Variants in ZEB1 observed in about 807,000 individuals in gnomAD.
The protein encoded by ZEB1 is zinc finger E-box binding homeobox 1, also known as zinc finger E-box-binding homeobox 1.
In ZEB1, 21 loss-of-function variants were observed where a neutral mutation model predicts 84.9. The observed-to-expected ratio is 0.25, with a 90% confidence interval of 0.18 to 0.36. The LOEUF (loss-of-function observed/expected upper bound fraction) is 0.36. ZEB1 is among the 10% of genes least tolerant of loss of function. The pLI is 1.00. For missense variants in ZEB1, 1,104 were observed against 1,330.2 expected (o/e 0.83, Z 2.65); for synonymous variants, 420 against 471.1 (o/e 0.89, Z 1.41).
At chr10:31,364,267 G>A (rs1564601091) in intron 1 of ZEB1, among the ~76,000 whole-genome samples, 3 of 152,266 alleles carry the variant, frequency 2.0e-5, no homozygotes, top group Non-Finnish European at 2.9e-5. Context: ...CCCTTCCACC[G>A]GTCCAGCTGG....
rs1469066007 is a variant in ZEB1 at position 31,408,446 on chromosome 10, G to A, written c.59-52591G>A. Among the ~76,000 whole-genome samples, 989 of 149,594 alleles carry A rather than the reference G, an allele frequency of 6.6e-3. 4 individuals carry two copies. The highest frequency in any genetic ancestry group is 0.023 in the African/African-American group (910 of 39,182). ...GAGCCTGCATCGCCAAGTCAATCCT[G>A]AGCCAAAAGAACAAAGCTGGAGGCA... On this transcript the variant is annotated intron_variant, in intron 1 of 8. Transcript: ENST00000424869.
intron 1 of ZEB1, among the ~76,000 whole-genome samples, chr10:31,451,020 A>G (rs2060503161): frequency 6.6e-6 from 1 of 152,136 alleles, no homozygotes; most frequent in Non-Finnish European, 1.5e-5. Context: ...AAAAGTTACA[A>G]AATTATCAGT....
intron 2 of ZEB1, among the ~76,000 whole-genome samples, chr10:31,474,099 T>A (rs879380023): frequency 1.9e-4 from 29 of 152,116 alleles, no homozygotes; most frequent in Non-Finnish European, 3.8e-4. Flanking sequence ...CCTAAAACCG[T>A]AAAAACCCTA....
chr10:31,511,237 C>T (rs2069940699), intron 5 of ZEB1, among the ~76,000 whole-genome samples: 1 of 152,060 alleles, frequency 6.6e-6, no homozygotes, highest in Admixed American at 6.6e-5. Flanking sequence ...CTATATAAAC[C>T]ACATTATACT....
chr10:31,414,282 A>G (rs1447493121), intron 1 of ZEB1, among the ~76,000 whole-genome samples: 2 of 152,238 alleles, frequency 1.3e-5, no homozygotes, highest in Non-Finnish European at 2.9e-5. Flanking sequence ...AACTGGTAAT[A>G]ATAACTCTAC....
upstream of ZEB1, chr10:31,319,061 G>A: frequency 1.5e-6 from 1 of 656,394 alleles, no homozygotes; most frequent in South Asian, 1.7e-5. Flanking sequence ...TAGCAACAAG[G>A]TTCCGGCCGT....
chr10:31,369,650 A>G (rs974298561), intron 1 of ZEB1, among the ~76,000 whole-genome samples: 1 of 152,222 alleles, frequency 6.6e-6, no homozygotes, highest in Admixed American at 6.5e-5. Flanking sequence ...TAAATAATGC[A>G]ACAATGAACA....
chr10:31,455,159 G>T (rs1221060407), intron 1 of ZEB1, among the ~76,000 whole-genome samples: 1 of 152,108 alleles, frequency 6.6e-6, no homozygotes, highest in Non-Finnish European at 1.5e-5. Flanking sequence ...ACAAGAAATG[G>T]GGAAAAGATT....
rs1223784725 is a variant in ZEB1, at chr10:31,521,522, G to T, written c.2190G>T (p.Glu730Asp). 1 of 1,613,984 alleles carries T rather than the reference G, an allele frequency of 6.2e-7. No homozygotes were observed. Among genetic ancestry groups the T allele is most frequent in the Non-Finnish European group, 8.5e-7 (1 of 1,180,012 alleles). ...YLYTAEGAQE[E>D]PQVEPLDLSL... ...ACACAGCTGAGGGTGCACAAGAAGA[G>T]CCACAAGTAGAACCTCTTGATCTTT... The change falls in exon 7 of 9, where the codon GAG becomes GAT. Residue 730 changes from glutamate (E) to aspartate (D), a missense_variant. Glu to Asp is a conservative substitution (Grantham distance 45). Around this residue, in one of 7 missense-constraint regions of ZEB1, gnomAD observed 531 missense variants for 575.2 expected, o/e 0.92. Transcript: ENST00000424869.
chr10:31,389,942 A>G (rs1048403020), intron 1 of ZEB1, among the ~76,000 whole-genome samples: 2 of 152,130 alleles, frequency 1.3e-5, no homozygotes, highest in Admixed American at 6.6e-5. Flanking sequence ...AGTAGGTACC[A>G]TATTCCACAG....
intron 1 of ZEB1, among the ~76,000 whole-genome samples, chr10:31,322,580 A>G (rs1029011468): frequency 1.3e-5 from 2 of 152,198 alleles, no homozygotes; most frequent in Non-Finnish European, 2.9e-5. Context: ...GGTTTGGCCA[A>G]AGCATCAAAC....
chr10:31,320,002 C>A (rs1487025518), intron 1 of ZEB1: 1 of 150,810 alleles, frequency 6.6e-6, no homozygotes, highest in Non-Finnish European at 1.5e-5. Context: ...CGGCCGGCGG[C>A]GGTAAAGTTG....
chr10:31,389,377 T>C (rs2049210621), intron 1 of ZEB1, among the ~76,000 whole-genome samples: 1 of 152,198 alleles, frequency 6.6e-6, no homozygotes, highest in Non-Finnish European at 1.5e-5. Context: ...TTTATTTCTT[T>C]TTTCTAATCA....
At chr10:31,341,734 C>T (rs1448063602) in intron 1 of ZEB1, among the ~76,000 whole-genome samples, 2 of 151,804 alleles carry the variant, frequency 1.3e-5, no homozygotes, top group East Asian at 3.9e-4. Context: ...GTTTCAGAGT[C>T]AAGTAGAGAA....
chr10:31,348,886 G>T (rs1251935984), intron 1 of ZEB1, among the ~76,000 whole-genome samples: 2 of 152,034 alleles, frequency 1.3e-5, no homozygotes, highest in Non-Finnish European at 2.9e-5. Context: ...TTGTGGAATG[G>T]CTAAATCAAG....
chr10:31,349,816 A>G (rs1375695544), intron 1 of ZEB1, among the ~76,000 whole-genome samples: 1 of 151,992 alleles, frequency 6.6e-6, no homozygotes, highest in African/African-American at 2.4e-5. Flanking sequence ...TTGGATACTA[A>G]TGTCTTATCA....
intron 2 of ZEB1, among the ~76,000 whole-genome samples, chr10:31,486,690 T>G (rs2065810360): frequency 6.6e-6 from 1 of 151,554 alleles, no homozygotes. Flanking sequence ...TTTATTAAAT[T>G]TTGAGAGTTC....
At chr10:31,375,612 A>T (rs2046484610) in intron 1 of ZEB1, among the ~76,000 whole-genome samples, 1 of 151,712 alleles carries the variant, frequency 6.6e-6, no homozygotes, top group Non-Finnish European at 1.5e-5. Flanking sequence ...TAATTATATA[A>T]CTTCTCAATA....
chr10:31,480,130 G>A (rs2064848593), intron 2 of ZEB1, among the ~76,000 whole-genome samples: 1 of 151,884 alleles, frequency 6.6e-6, no homozygotes, highest in Admixed American at 6.6e-5. Context: ...TTAATGTTTT[G>A]CAATTGGTGA....
Sources: allele counts gnomAD v4.1 joint callset (sites outside exome capture counted in the v4.1 genomes callset), GRCh38; gene constraint gnomAD v4.1.1; regional missense constraint gnomAD v4.1.1; transcripts MANE v1.5; gene names NCBI Gene and HGNC (gene_info 2026-07-23, HGNC 2026-07-21).